The following SERINC5 variants were observed in gnomAD, a reference collection of about 807,000 sequenced individuals.
SERINC5 encodes the protein chromosome 5 open reading frame 12.
Under a neutral mutation model 63.1 loss-of-function variants are expected in SERINC5, and 41 were observed. That is an observed-to-expected ratio of 0.65 (90% CI 0.51 to 0.84). The LOEUF is 0.84. Among genes scored for constraint, SERINC5 ranks in the 40% least tolerant of loss-of-function variants. The probability of loss-of-function intolerance (pLI) is 0.00; values close to 1 mark genes in which losing one functional copy is unlikely to be tolerated. For missense variants in SERINC5, 523 were observed against 573.0 expected (o/e 0.91, Z 0.89); for synonymous variants, 222 against 215.2 (o/e 1.03, Z -0.28).
At chr5:80,181,416 TTGTG>T (rs70982028) in intron 2 of SERINC5, among the ~76,000 whole-genome samples, 17 of 145,348 alleles carry the variant, frequency 1.2e-4, no homozygotes, top group Admixed American at 4.9e-4. Flanking sequence ...TCAGCTAATT[TTGTG>T]TGTGTGTGTG....
At chr5:80,156,910 G>A (rs555333521) in intron 8 of SERINC5, 2 of 151,996 alleles carry the variant, frequency 1.3e-5, no homozygotes, top group Admixed American at 6.5e-5. Context: ...TATGCAGCAG[G>A]CTAAGAAGAA....
intron 6 of SERINC5, among the ~76,000 whole-genome samples, chr5:80,167,820 T>C (rs1459754066): frequency 6.6e-6 from 1 of 152,208 alleles, no homozygotes; most frequent in Non-Finnish European, 1.5e-5. Flanking sequence ...CTCTCTTTCT[T>C]TCCTGCGAAA....
At chr5:80,112,078 G>A (rs191094888) in intron 12 of SERINC5, among the ~76,000 whole-genome samples, 172 of 152,326 alleles carry the variant, frequency 1.1e-3, no homozygotes, top group African/African-American at 3.8e-3. Context: ...GAGACAGCCT[G>A]AGATATGTCC....
At chr5:80,123,883 C>A (rs921345968) in intron 11 of SERINC5, among the ~76,000 whole-genome samples, 5 of 152,148 alleles carry the variant, frequency 3.3e-5, no homozygotes, top group Admixed American at 3.3e-4. Flanking sequence ...ATCCTTGTTT[C>A]TGTGCCTCTT....
intron 1 of SERINC5, among the ~76,000 whole-genome samples, chr5:80,224,926 TTTTTTTTTG>T (rs1335690085): frequency 4.0e-5 from 1 of 24,862 alleles, no homozygotes; most frequent in South Asian, 7.7e-4. Flanking sequence ...GCCCAGCGTT[TTTTTTTTTG>T]TTTTTTTTTG....
intron 11 of SERINC5, among the ~76,000 whole-genome samples, chr5:80,132,456 T>C (rs919619716): frequency 1.3e-5 from 2 of 152,148 alleles, no homozygotes; most frequent in Non-Finnish European, 2.9e-5. Context: ...CCTTGTTGTA[T>C]CTCCTCATGT....
chr5:80,152,810 C>T (rs975030364), intron 8 of SERINC5, among the ~76,000 whole-genome samples: 17 of 151,930 alleles, frequency 1.1e-4, no homozygotes, highest in African/African-American at 2.9e-4. Context: ...GTGTGGTGGC[C>T]GGCAGCTGTA....
chr5:80,144,011 T>G, intron 11 of SERINC5: 3 of 586,200 alleles, frequency 5.1e-6, no homozygotes, highest in East Asian at 6.3e-5. Context: ...TGCTCTCCCC[T>G]TCCCCATGGC....
chr5:80,112,865 G>A (rs1744174512), intron 12 of SERINC5, among the ~76,000 whole-genome samples: 1 of 152,186 alleles, frequency 6.6e-6, no homozygotes. Context: ...TCGAGAGGCT[G>A]AGGTGGGAGA....
intron 2 of SERINC5, among the ~76,000 whole-genome samples, chr5:80,197,272 C>A (rs1007706894): frequency 8.2e-6 from 1 of 121,614 alleles, no homozygotes; most frequent in African/African-American, 3.0e-5. Flanking sequence ...CGTGCCACTG[C>A]GTTTCAGCCA....
chr5:80,156,535 C>G (rs556140475), intron 8 of SERINC5, among the ~76,000 whole-genome samples: 1 of 152,170 alleles, frequency 6.6e-6, no homozygotes, highest in Admixed American at 6.5e-5. Flanking sequence ...TACAGAAGTA[C>G]GCTACAGAGC....
chr5:80,162,611 C>A (rs1207544704), intron 7 of SERINC5, among the ~76,000 whole-genome samples: 2 of 152,200 alleles, frequency 1.3e-5, no homozygotes, highest in Admixed American at 6.5e-5. Flanking sequence ...TGGCCTCAAG[C>A]CATCCTCCCA....
rs371765212 is a variant in SERINC5 at position 80,166,426 on chromosome 5, G to A, written c.816C>T (p.Thr272=). The A allele has an allele frequency of 1.8e-5, 29 of 1,596,018 alleles. No individual in the cohort carries two copies. In the African/African-American group the frequency reaches 3.9e-4, roughly 21 times the overall value. The change falls in exon 7 of 12, where the codon ACC becomes ACT. Residue 272 remains threonine (T), a synonymous_variant. Coordinates refer to ENST00000507668, the MANE Select transcript of SERINC5 (RefSeq NM_001174072.3). ...TGGACAGAGCTGAGAAGGTGAGGTA[G>A]GTGACATAGCAGCTTATGACCCCTG... The part of the protein sequence containing the change: ...LQSGVISCYV[T]YLTFSALSSK...
At chr5:80,232,207 A>G (rs71636208) in intron 1 of SERINC5, among the ~76,000 whole-genome samples, 7,412 of 150,734 alleles carry the variant, frequency 0.049, 298 homozygotes, top group Admixed American at 0.11. Context: ...GATCAAGACC[A>G]TCCTGGCTAA....
chr5:80,214,159 A>AC (rs1299940923), intron 1 of SERINC5, among the ~76,000 whole-genome samples: 2 of 152,226 alleles, frequency 1.3e-5, no homozygotes, highest in African/African-American at 4.8e-5. Flanking sequence ...AAAGACGTCC[A>AC]CACTGTATAA....
At chr5:80,208,909 T>C (rs976473537) in intron 1 of SERINC5, among the ~76,000 whole-genome samples, 5 of 152,200 alleles carry the variant, frequency 3.3e-5, no homozygotes, top group African/African-American at 1.2e-4. Flanking sequence ...CCAAAATTCA[T>C]ATGTTGAAGT....
chr5:80,255,387 C>T (rs1752610117), intron 1 of SERINC5, among the ~76,000 whole-genome samples: 1 of 151,974 alleles, frequency 6.6e-6, no homozygotes, highest in East Asian at 1.9e-4. Context: ...AGTCAGGCTT[C>T]GAGACATTCT....
chr5:80,201,573 C>T (rs1465190875), intron 2 of SERINC5, among the ~76,000 whole-genome samples: 1 of 152,206 alleles, frequency 6.6e-6, no homozygotes, highest in African/African-American at 2.4e-5. Context: ...AACCTGCTGA[C>T]ATCTTAGTCT....
intron 6 of SERINC5, chr5:80,167,278 A>G (rs1747362670): frequency 6.6e-6 from 1 of 151,752 alleles, no homozygotes; most frequent in African/African-American, 2.4e-5. Flanking sequence ...GTTCCCCTCT[A>G]TGTGTCCACA....
Sources: gnomAD v4.1 joint callset for allele counts (sites outside exome capture counted in the v4.1 genomes callset) on GRCh38, gnomAD v4.1.1 for gene constraint, MANE v1.5 for transcripts, NCBI Gene and HGNC (gene_info 2026-07-23, HGNC 2026-07-21) for gene names.